Variants in RPH3A observed in about 807,000 individuals in gnomAD.
RPH3A encodes the protein rabphilin 3A, also known as rabphilin-3A.
In RPH3A, 48 loss-of-function variants were observed where a neutral mutation model predicts 102.2. The observed-to-expected ratio is 0.47, with a 90% CI of 0.37 to 0.60. RPH3A has a LOEUF of 0.60. Among genes scored for constraint, RPH3A ranks in the 20% least tolerant of loss-of-function variants. The pLI, the probability that RPH3A is intolerant of heterozygous loss-of-function variation, is 0.00. For synonymous variants in RPH3A, 310 were observed against 324.3 expected, an observed-to-expected ratio of 0.96 and a Z score of 0.47; for missense variants, 781 against 910.1, an observed-to-expected ratio of 0.86 and a Z score of 1.83.
At chr12:112,854,673 T>A (rs369231746) in intron 5 of RPH3A, among the ~76,000 whole-genome samples, 2 of 152,210 alleles carry the variant, frequency 1.3e-5, no homozygotes, top group South Asian at 4.1e-4. Flanking sequence ...AAATATCATA[T>A]ATTTCGTTTA....
intron 4 of RPH3A, among the ~76,000 whole-genome samples, chr12:112,844,734 C>T (rs1486361227): frequency 6.6e-6 from 1 of 152,204 alleles, no homozygotes; most frequent in Non-Finnish European, 1.5e-5. Context: ...TCCTAGTTAT[C>T]TGATAACAAA....
chr12:112,831,852 A>G (rs2041976033), intron 3 of RPH3A: 1 of 455,732 alleles, frequency 2.2e-6, no homozygotes, highest in South Asian at 1.5e-5. Flanking sequence ...TTTTCCTTCC[A>G]CGTAAGCCCT....
intron 1 of RPH3A, among the ~76,000 whole-genome samples, chr12:112,650,233 G>T (rs572190819): frequency 6.6e-6 from 1 of 152,134 alleles, no homozygotes; most frequent in African/African-American, 2.4e-5. Context: ...TTTTATCCCC[G>T]TTCTGTAGGT....
At chr12:112,877,420 A>ACACG (rs2042824578) in intron 13 of RPH3A, among the ~76,000 whole-genome samples, 1 of 15,120 alleles carries the variant, frequency 6.6e-5, no homozygotes, top group African/African-American at 2.4e-4. Context: ...ACACACGTAT[A>ACACG]CACACACACA....
chr12:112,772,626 G>A (rs368095736), intron 1 of RPH3A, among the ~76,000 whole-genome samples: 131 of 152,198 alleles, frequency 8.6e-4, no homozygotes, highest in African/African-American at 3.0e-3. Context: ...GTTGGTGCGT[G>A]GTAAGCGCTC....
chr12:112,647,051 G>A (rs987488830), intron 1 of RPH3A, among the ~76,000 whole-genome samples: 2 of 152,188 alleles, frequency 1.3e-5, no homozygotes, highest in African/African-American at 4.8e-5. Flanking sequence ...GCGCAGAACA[G>A]CTAAGAATCA....
At chr12:112,801,224 T>C (rs2041344939) in intron 2 of RPH3A, among the ~76,000 whole-genome samples, 1 of 152,102 alleles carries the variant, frequency 6.6e-6, no homozygotes, top group Non-Finnish European at 1.5e-5. Context: ...GCTAGGCCCA[T>C]TCAAAAAAGA....
rs555751776 is a variant in RPH3A, at chr12:112,681,103, T to G, written c.-140+105784T>G. ...CCACTGCGTCCCTAACTGAGCATCT[T>G]CCTTCACAAAACCCTTCCTGCTCTG... is the stretch of plus-strand genomic sequence containing the variant. On this transcript the variant is annotated intron_variant, in intron 1 of 21. Coordinates refer to the RPH3A transcript ENST00000543106. 6.6e-5 allele frequency among the ~76,000 whole-genome samples: 10 copies of G among 152,276 alleles called. No individual in the cohort carries two copies. The South Asian group carries it at 2.1e-3, about 32-fold the overall frequency.
intron 1 of RPH3A, among the ~76,000 whole-genome samples, chr12:112,727,030 T>C (rs1371650530): frequency 4.7e-5 from 7 of 150,382 alleles, no homozygotes; most frequent in Admixed American, 4.6e-4. Context: ...CTCCAATAAA[T>C]AAACAAATAA....
intron 1 of RPH3A, among the ~76,000 whole-genome samples, chr12:112,769,819 GA>G (rs1351353440): frequency 6.6e-6 from 1 of 152,128 alleles, no homozygotes; most frequent in Admixed American, 6.5e-5. Context: ...AAGTAATACA[GA>G]AATACATTCT....
At chr12:112,876,982 A>C in intron 13 of RPH3A, 116 bp downstream of exon 13, 1 of 603,720 alleles carries the variant, frequency 1.7e-6, no homozygotes, top group Non-Finnish European at 2.7e-6. Context: ...AATATACCAG[A>C]CCTAATAAAC....
intron 1 of RPH3A, among the ~76,000 whole-genome samples, chr12:112,666,635 G>C (rs2040085296): frequency 6.6e-6 from 1 of 152,090 alleles, no homozygotes; most frequent in Non-Finnish European, 1.5e-5. Context: ...GAATTAAAAA[G>C]CAGTGGTTGA....
rs928790893 is a variant in RPH3A, at chr12:112,876,659, C to G, written c.964C>G (p.Pro322Ala). The change falls in exon 13 of 22, where the codon CCT (proline) becomes GCT (alanine). Residue 322 changes from proline to alanine, a missense_variant. Coordinates refer to ENST00000389385, the MANE Select transcript of RPH3A (RefSeq NM_001143854.2). Reference sequence around the variant, plus strand: ...CCCTGCAGAGGTGGCTCCGAGCGACCCTGGGACCACTGCCCCACCCCGAGA... The same window carrying G: ...CCCTGCAGAGGTGGCTCCGAGCGACGCTGGGACCACTGCCCCACCCCGAGA... ...DQKPEVAPSD[P>A]GTTAPPREER... The G allele has an allele frequency of 3.1e-6, 5 of 1,611,138 alleles. No individual in the cohort carries two copies. The highest frequency in any genetic ancestry group is 1.7e-4 in the Middle Eastern group (1 of 5,862).
intron 1 of RPH3A, among the ~76,000 whole-genome samples, chr12:112,784,182 CA>C (rs2041028189): frequency 6.6e-6 from 1 of 152,152 alleles, no homozygotes; most frequent in South Asian, 2.1e-4. Context: ...CAGCAAATAT[CA>C]GCCCCCTTCA....
chr12:112,741,743 CAT>C (rs918691746), intron 1 of RPH3A, among the ~76,000 whole-genome samples: 7 of 152,146 alleles, frequency 4.6e-5, no homozygotes, highest in African/African-American at 1.2e-4. Context: ...TCTCTGGAAA[CAT>C]GTGTTGAAGA....
At chr12:112,624,333 A>G (rs1436006257) in intron 1 of RPH3A, among the ~76,000 whole-genome samples, 1 of 151,468 alleles carries the variant, frequency 6.6e-6, no homozygotes, top group African/African-American at 2.4e-5. Context: ...AAAGAAAAAA[A>G]GAAGAATCAA....
At chr12:112,821,147 C>A (rs148218813) in intron 2 of RPH3A, among the ~76,000 whole-genome samples, 1 of 152,150 alleles carries the variant, frequency 6.6e-6, no homozygotes, top group Non-Finnish European at 1.5e-5. Context: ...AATGACCAGG[C>A]GGGCAGGCAA....
chr12:112,874,147 T>C (rs1424300712), intron 10 of RPH3A: 1 of 152,238 alleles, frequency 6.6e-6, no homozygotes, highest in Non-Finnish European at 1.5e-5. Flanking sequence ...AGATGGCATC[T>C]AGCCCAGTGA....
At chr12:112,781,730 T>C (rs2041009490) in intron 1 of RPH3A, among the ~76,000 whole-genome samples, 1 of 152,218 alleles carries the variant, frequency 6.6e-6, no homozygotes, top group East Asian at 1.9e-4. Context: ...AACTATTTAT[T>C]TGGTATTTAT....
Sources: gnomAD v4.1 joint callset for allele counts (sites outside exome capture counted in the v4.1 genomes callset) on GRCh38, gnomAD v4.1.1 for gene constraint, MANE v1.5 for transcripts, NCBI Gene and HGNC (gene_info 2026-07-23, HGNC 2026-07-21) for gene names.